ETNPPL: variants seen among roughly 807,000 people sequenced by gnomAD.
ETNPPL encodes alanine--glyoxylate aminotransferase 2-like 1.
Under a neutral mutation model 55.5 loss-of-function variants are expected in ETNPPL, and 30 were observed. That is an observed-to-expected ratio of 0.54 (90% CI 0.40 to 0.73). The LOEUF (loss-of-function observed/expected upper bound fraction) is 0.73. Ranked by LOEUF, ETNPPL falls within the 30% of genes least tolerant of loss-of-function variation. The probability of loss-of-function intolerance (pLI) is 0.00; values close to 1 mark genes in which losing one functional copy is unlikely to be tolerated. For missense variants in ETNPPL, 528 were observed against 607.9 expected (o/e 0.87, Z 1.38); for synonymous variants, 202 against 207.2 (o/e 0.98, Z 0.21).
At chr4:108,751,055 C>A in intron 6 of ETNPPL, 37 bp from the exon 7 acceptor site, 3 of 1,366,092 alleles carry the variant, frequency 2.2e-6, no homozygotes, top group Non-Finnish European at 2.1e-6. Context: ...TCCATTAGGT[C>A]CCCCTACAAC....
intron 3 of ETNPPL, among the ~76,000 whole-genome samples, chr4:108,759,522 A>T (rs1578396067): frequency 1.3e-5 from 2 of 152,004 alleles, no homozygotes; most frequent in East Asian, 3.8e-4. Flanking sequence ...TACTTATTGC[A>T]CTGCCTGAGG....
chr4:108,747,266 A>G (rs1217174596), intron 9 of ETNPPL, among the ~76,000 whole-genome samples: 2 of 108,868 alleles, frequency 1.8e-5, no homozygotes, highest in Non-Finnish European at 3.8e-5. Flanking sequence ...ATATATATAT[A>G]TGTCAGTATT....
chr4:108,756,369 TTG>T (rs1361642152), intron 4 of ETNPPL, 47 bp downstream of exon 4: 1 of 1,297,740 alleles, frequency 7.7e-7, no homozygotes, highest in Non-Finnish European at 1.1e-6. Flanking sequence ...CAATACAATT[TTG>T]TCTCTGAAGA....
At chr4:108,747,444 G>T (rs201481664) in intron 9 of ETNPPL, among the ~76,000 whole-genome samples, 1 of 126,524 alleles carries the variant, frequency 7.9e-6, no homozygotes, top group Non-Finnish European at 1.7e-5. Context: ...ATACCCAAAT[G>T]TTTTTTTATT....
intron 3 of ETNPPL, 110 bp from the exon 4 acceptor site, chr4:108,756,602 C>T (rs1578392248): frequency 2.7e-6 from 2 of 754,646 alleles, no homozygotes; most frequent in Non-Finnish European, 4.6e-6. Flanking sequence ...TTTGAGAGGC[C>T]AAGGAGGGCC....
chr4:108,747,981 A>C, intron 9 of ETNPPL, 24 bp downstream of exon 9: 2 of 1,588,884 alleles, frequency 1.3e-6, no homozygotes, highest in Non-Finnish European at 8.6e-7. Context: ...GAGTAACTAC[A>C]TGACAACTTC....
At chr4:108,751,939 G>A (rs1007071416) in intron 6 of ETNPPL, among the ~76,000 whole-genome samples, 3 of 152,328 alleles carry the variant, frequency 2.0e-5, no homozygotes, top group African/African-American at 4.8e-5. Context: ...CAAAGAGTCC[G>A]TAAGATCTTG....
chr4:108,756,017 T>G (rs1369369870), intron 4 of ETNPPL, among the ~76,000 whole-genome samples: 1 of 152,270 alleles, frequency 6.6e-6, no homozygotes, highest in Non-Finnish European at 1.5e-5. Flanking sequence ...TCTTTAAAAT[T>G]AGTGACTGCG....
Position 108,751,034 on chromosome 4 carries a change from T to C in ETNPPL, c.619-16A>G. 5 of 1,600,802 alleles carry C rather than the reference T, an allele frequency of 3.1e-6. No individual in the cohort carries two copies. The highest frequency in any genetic ancestry group is 4.3e-6 in the Non-Finnish European group (5 of 1,168,458). ...AGGCAGCAATCTATACAAGAGAAGA[T>C]GGTGTCAAAGTCCATTAGGTCCCCC... is the stretch of plus-strand genomic sequence containing the variant. On this transcript the variant is annotated splice_polypyrimidine_tract_variant and intron_variant, in intron 6 of 12. Transcript: ENST00000296486.
intron 5 of ETNPPL, among the ~76,000 whole-genome samples, chr4:108,753,769 A>AAAGG (rs1167309960): frequency 7.4e-5 from 9 of 121,472 alleles, no homozygotes; most frequent in Non-Finnish European, 1.4e-4. Context: ...AGAAAGAAAG[A>AAAGG]AAGAAAGAAA....
At chr4:108,757,363 T>G (rs1729260332) in intron 3 of ETNPPL, among the ~76,000 whole-genome samples, 2 of 152,226 alleles carry the variant, frequency 1.3e-5, no homozygotes, top group Non-Finnish European at 2.9e-5. Flanking sequence ...AGTATTGCCA[T>G]CTCCTTTATA....
chr4:108,760,454 C>T, intron 1 of ETNPPL, 148 bp from the exon 2 acceptor site: 1 of 506,996 alleles, frequency 2.0e-6, no homozygotes, highest in East Asian at 2.7e-5. Context: ...CTTTTCATTT[C>T]ATGTAAACCT....
At chr4:108,747,919 G>C in intron 9 of ETNPPL, 86 bp downstream of exon 9, 1 of 1,125,266 alleles carries the variant, frequency 8.9e-7, no homozygotes. Flanking sequence ...TAATAGAGAC[G>C]GGGTCTCACC....
rs572162134 is a variant in ETNPPL at position 108,755,527 on chromosome 4, T to A, written c.411-817A>T. 2.6e-5 allele frequency among the ~76,000 whole-genome samples: 4 copies of A among 152,082 alleles called. No homozygotes were observed. In the East Asian group the frequency reaches 7.7e-4, roughly 29 times the overall value. On this transcript the variant is annotated intron_variant, in intron 4 of 12. Coordinates refer to ENST00000296486, the MANE Select transcript of ETNPPL (RefSeq NM_031279.4). ...GTAGACAAAAATTTAAAAGAAAAAA[T>A]ATCCGTAGGCTAGCCTCGGTGGCTC... is the stretch of plus-strand genomic sequence containing the variant.
rs1478647341 is a variant in ETNPPL at position 108,753,756 on chromosome 4, G to GAAAGAAAGAAAGA, written c.502-758_502-746dup. 3.5e-3 allele frequency among the ~76,000 whole-genome samples: 427 copies of GAAAGAAAGAAAGA among 122,974 alleles called. 3 individuals carry two copies. Among genetic ancestry groups the GAAAGAAAGAAAGA allele is most frequent in the Admixed American group, 6.4e-3 (75 of 11,692 alleles). The allele number at this position is 122,974 out of a possible 152,430, so 80.7% of individuals were successfully genotyped here. On this transcript the variant is annotated intron_variant, in intron 5 of 12. Transcript: ENST00000296486. Reference sequence around the variant, plus strand: ...GACTCCGTCTCAAATAAATAAGAAAGAAAGAAAGAAAGAAAGAAAGAAAGA... The same window carrying GAAAGAAAGAAAGA: ...GACTCCGTCTCAAATAAATAAGAAAGAAAGAAAGAAAGAAAAGAAAGAAAGAAAGAAAGAAAGA...
intron 2 of ETNPPL, 98 bp from the exon 3 acceptor site, chr4:108,760,006 A>T: frequency 7.5e-7 from 1 of 1,339,916 alleles, no homozygotes; most frequent in Non-Finnish European, 1.0e-6. Context: ...AAACAAACAA[A>T]CAAACAAAAG....
At position 108,742,354 on chromosome 4, in the gene ETNPPL, A is replaced by G; in HGVS notation, c.*130T>C. On this transcript the variant is annotated 3_prime_UTR_variant, in exon 13 of 13. Coordinates refer to ENST00000296486, the MANE Select transcript of ETNPPL (RefSeq NM_031279.4). ...CTTGGTTTATTCTGATTACTCATTTACCTTTTCATTTATGAATCTAAACTG... is the reference window on the plus strand; with the variant it reads ...CTTGGTTTATTCTGATTACTCATTTGCCTTTTCATTTATGAATCTAAACTG... 1.1e-6 allele frequency: 1 copy of G among 898,682 alleles called. No individual in the cohort carries two copies. The highest frequency in any genetic ancestry group is 1.7e-6 in the Non-Finnish European group (1 of 575,552). 55.7% of individuals were successfully genotyped at this position (898,682 alleles called of 1,614,324 possible).
At chr4:108,745,597 AAAT>A (rs1354108587) in intron 11 of ETNPPL, among the ~76,000 whole-genome samples, 9 of 150,764 alleles carry the variant, frequency 6.0e-5, no homozygotes, top group Non-Finnish European at 1.0e-4. Context: ...CTGTCTCAGA[AAAT>A]AAATAAATAA....
At chr4:108,753,789 AAAGAAAGAAAGAAAGAAAAGAG>A (rs1242386335) in intron 5 of ETNPPL, among the ~76,000 whole-genome samples, 294 of 132,572 alleles carry the variant, frequency 2.2e-3, no homozygotes, top group African/African-American at 8.5e-3. Flanking sequence ...AGAAAGAAAG[AAAGAAAGAAAGAAAGAAAAGAG>A]AAGAAAAGAA....
Sources: allele counts gnomAD v4.1 joint callset (sites outside exome capture counted in the v4.1 genomes callset), GRCh38; gene constraint gnomAD v4.1.1; transcripts MANE v1.5; gene names NCBI Gene and HGNC (gene_info 2026-07-23, HGNC 2026-07-21).